The following COBL variants were observed in gnomAD, a reference collection of about 807,000 sequenced individuals.
The protein encoded by COBL is protein cordon-bleu.
In COBL, 51 loss-of-function variants were observed where a neutral mutation model predicts 98.8. That is an observed-to-expected ratio of 0.52 (90% confidence interval 0.41 to 0.65). The LOEUF is 0.65. Among genes scored for constraint, COBL ranks in the 30% least tolerant of loss-of-function variants. The pLI is 0.00. For synonymous variants in COBL, 634 were observed against 651.7 expected, an observed-to-expected ratio of 0.97 and a Z score of 0.41; for missense variants, 1,617 against 1,617.5, an observed-to-expected ratio of 1.00 and a Z score of 0.01.
intron 1 of COBL, among the ~76,000 whole-genome samples, chr7:51,304,943 GT>G (rs1300700295): frequency 6.6e-6 from 1 of 152,070 alleles, no homozygotes; most frequent in Admixed American, 6.5e-5. Context: ...CGTTCTGTAG[GT>G]TGACACCCTC....
chr7:51,136,471 T>C, intron 5 of COBL, 140 bp from the exon 6 acceptor site: 1 of 869,810 alleles, frequency 1.1e-6, no homozygotes, highest in Non-Finnish European at 1.7e-6. Context: ...TTGAATGGTC[T>C]GAGCAAGCCC....
At chr7:51,251,818 C>T (rs1460758840) in intron 1 of COBL, among the ~76,000 whole-genome samples, 1 of 152,180 alleles carries the variant, frequency 6.6e-6, no homozygotes, top group Non-Finnish European at 1.5e-5. Flanking sequence ...CCTCAAACTA[C>T]TCCATGATCC....
intron 6 of COBL, among the ~76,000 whole-genome samples, chr7:51,128,288 C>T (rs140205550): frequency 5.8e-4 from 88 of 152,256 alleles, no homozygotes; most frequent in African/African-American, 2.0e-3. Flanking sequence ...GCAAGGATGC[C>T]AGGATGGCTG....
chr7:51,166,323 C>A (rs1787318311), intron 5 of COBL, among the ~76,000 whole-genome samples: 1 of 151,778 alleles, frequency 6.6e-6, no homozygotes, highest in Admixed American at 6.6e-5. Context: ...CTACTATGAG[C>A]AACAATATGC....
At chr7:51,148,842 G>A (rs1227146989) in intron 5 of COBL, among the ~76,000 whole-genome samples, 2 of 149,086 alleles carry the variant, frequency 1.3e-5, no homozygotes, top group African/African-American at 2.4e-5. Context: ...ACCCCCCGGA[G>A]GACCACTGCT....
intron 6 of COBL, among the ~76,000 whole-genome samples, chr7:51,126,599 G>A (rs1798227229): frequency 6.6e-6 from 1 of 152,146 alleles, no homozygotes; most frequent in Non-Finnish European, 1.5e-5. Flanking sequence ...ACATGGAGGA[G>A]CCTGGGTTGG....
intron 1 of COBL, among the ~76,000 whole-genome samples, chr7:51,275,657 ACCACCAGCCG>A (rs1195020209): frequency 6.6e-6 from 1 of 151,530 alleles, no homozygotes; most frequent in South Asian, 2.1e-4. Flanking sequence ...GCCACCAACC[ACCACCAGCCG>A]CCACCAGCCA....
At chr7:51,097,881 G>A (rs866097683) in intron 6 of COBL, among the ~76,000 whole-genome samples, 4 of 151,752 alleles carry the variant, frequency 2.6e-5, no homozygotes, top group Admixed American at 1.3e-4. Context: ...AAAATTATCC[G>A]GGCATGGTGG....
intron 1 of COBL, among the ~76,000 whole-genome samples, chr7:51,226,713 T>C (rs1345749194): frequency 6.6e-6 from 1 of 152,036 alleles, no homozygotes; most frequent in African/African-American, 2.4e-5. Flanking sequence ...GCAGAACTGG[T>C]TACCAAAGAG....
intron 1 of COBL, among the ~76,000 whole-genome samples, chr7:51,311,112 A>C (rs1392929431): frequency 6.6e-6 from 1 of 152,196 alleles, no homozygotes; most frequent in Non-Finnish European, 1.5e-5. Context: ...AATCTGTCTA[A>C]CCAAATGTAT....
At chr7:51,223,611 C>G (rs1211936475) in intron 1 of COBL, among the ~76,000 whole-genome samples, 1 of 152,240 alleles carries the variant, frequency 6.6e-6, no homozygotes. Flanking sequence ...GGAAACCAAC[C>G]AGTCCCCCAA....
intron 7 of COBL, among the ~76,000 whole-genome samples, chr7:51,078,256 G>A (rs955429828): frequency 1.3e-5 from 2 of 152,164 alleles, no homozygotes; most frequent in African/African-American, 4.8e-5. Context: ...GGGGCTTTCT[G>A]GGAAAGGTTT....
At chr7:51,300,552 A>C (rs534501584) in intron 1 of COBL, among the ~76,000 whole-genome samples, 1 of 152,230 alleles carries the variant, frequency 6.6e-6, no homozygotes, top group Non-Finnish European at 1.5e-5. Context: ...TGTTAGAAGG[A>C]GCCATGTGGT....
chr7:51,294,810 G>T (rs1362673024), intron 1 of COBL, among the ~76,000 whole-genome samples: 2 of 151,858 alleles, frequency 1.3e-5, no homozygotes, highest in African/African-American at 4.8e-5. Context: ...CTTGTACATG[G>T]TCTATGCTCC....
chr7:51,065,433 T>C, intron 7 of COBL: 1 of 701,718 alleles, frequency 1.4e-6, no homozygotes, highest in Non-Finnish European at 2.6e-6. Flanking sequence ...TTATCACAGC[T>C]TCAGCTGCTC....
At position 51,028,943 on chromosome 7, in the gene COBL, C is replaced by G. The variant is rs143387495; in HGVS notation, c.2153G>C (p.Arg718Pro). Reference sequence around the variant, plus strand: ...GAGGGACACATCTCTGTCGTAACATCGCATCTCTGACTTTGGAGGAATGAT... The same window carrying G: ...GAGGGACACATCTCTGTCGTAACATGGCATCTCTGACTTTGGAGGAATGAT... The part of the protein sequence containing the change: ...YKIIPPKSEM[R>P]CYDRDVSLST... Residue 718 changes from arginine (R) to proline (P), a missense_variant, in exon 10 of 13, where the codon CGA becomes CCA. Coordinates refer to ENST00000265136, the MANE Select transcript of COBL (RefSeq NM_015198.5). 527 of 1,614,182 alleles carry G rather than the reference C, an allele frequency of 3.3e-4. 4 individuals carry two copies. In the East Asian group the frequency reaches 9.2e-3, roughly 28 times the overall value.
At chr7:51,133,208 G>C (rs754773492) in intron 6 of COBL, among the ~76,000 whole-genome samples, 1 of 152,146 alleles carries the variant, frequency 6.6e-6, no homozygotes, top group African/African-American at 2.4e-5. Flanking sequence ...CAGACAATTC[G>C]TCTGTCCTCC....
chr7:51,168,649 A>AC (rs1054384650), intron 5 of COBL, among the ~76,000 whole-genome samples: 1 of 152,080 alleles, frequency 6.6e-6, no homozygotes, highest in African/African-American at 2.4e-5. Context: ...AGAAAAGGGA[A>AC]CCCTCATACA....
chr7:51,270,962 G>A (rs1798702608), intron 1 of COBL, among the ~76,000 whole-genome samples: 1 of 152,110 alleles, frequency 6.6e-6, no homozygotes, highest in Admixed American at 6.5e-5. Context: ...ACAGTAGGGG[G>A]GTCATGAGCT....
Sources: allele counts gnomAD v4.1 joint callset (sites outside exome capture counted in the v4.1 genomes callset), GRCh38; gene constraint gnomAD v4.1.1; transcripts MANE v1.5; gene names NCBI Gene and HGNC (gene_info 2026-07-23, HGNC 2026-07-21).